Variants in NAV2 observed in about 807,000 individuals in gnomAD.
NAV2 encodes neuron navigator 2, also known as helicase, APC down-regulated 1.
NAV2 carries 54 observed loss-of-function variants against 223.2 expected under a neutral mutation model. That is an observed-to-expected ratio of 0.24 (90% CI 0.19 to 0.30). NAV2 has a LOEUF of 0.30. NAV2 is among the 10% of genes least tolerant of loss of function. The pLI, the probability that NAV2 is intolerant of heterozygous loss-of-function variation, is 1.00. For synonymous variants in NAV2, 1,279 were observed against 1,239.3 expected (o/e 1.03, Z -0.67); for missense variants, 2,806 against 3,147.5 (o/e 0.89, Z 2.60).
At chr11:19,498,354 A>G (rs1025562193) in intron 1 of NAV2, among the ~76,000 whole-genome samples, 1 of 152,226 alleles carries the variant, frequency 6.6e-6, no homozygotes, top group African/African-American at 2.4e-5. Context: ...AAATTGGCAG[A>G]CTTAGGTTTG....
intron 1 of NAV2, among the ~76,000 whole-genome samples, chr11:19,373,579 C>T (rs1021999463): frequency 1.3e-5 from 2 of 152,190 alleles, no homozygotes; most frequent in Non-Finnish European, 2.9e-5. Flanking sequence ...CTAGTCCCTC[C>T]TGCAGGACCC....
intron 1 of NAV2, among the ~76,000 whole-genome samples, chr11:19,760,566 G>A (rs931465863): frequency 6.6e-6 from 1 of 152,180 alleles, no homozygotes; most frequent in Non-Finnish European, 1.5e-5. Flanking sequence ...CTTTTCAGGG[G>A]CTTGGCTGGG....
chr11:20,106,621 C>G (rs962202782), intron 35 of NAV2, among the ~76,000 whole-genome samples: 5 of 146,158 alleles, frequency 3.4e-5, no homozygotes, highest in African/African-American at 1.3e-4. Flanking sequence ...TGTTGCTACT[C>G]AGTTGTTGTT....
chr11:19,585,564 G>C (rs1356347695), intron 1 of NAV2, among the ~76,000 whole-genome samples: 1 of 152,062 alleles, frequency 6.6e-6, no homozygotes, highest in Non-Finnish European at 1.5e-5. Context: ...GCTCTTTTAG[G>C]GCAGGCCTGG....
intron 10 of NAV2, among the ~76,000 whole-genome samples, chr11:19,967,224 T>C (rs981422024): frequency 6.6e-5 from 10 of 152,174 alleles, no homozygotes; most frequent in African/African-American, 2.2e-4. Context: ...TGTTGCACTT[T>C]AGGCTCTGTA....
intron 1 of NAV2, among the ~76,000 whole-genome samples, chr11:19,641,237 C>G (rs186399629): frequency 8.1e-4 from 123 of 152,264 alleles, no homozygotes; most frequent in African/African-American, 2.8e-3. Flanking sequence ...CATAGTTTGA[C>G]TTTGTAATAA....
intron 1 of NAV2, among the ~76,000 whole-genome samples, chr11:19,686,061 A>G (rs886855144): frequency 6.6e-6 from 1 of 152,050 alleles, no homozygotes; most frequent in East Asian, 1.9e-4. Context: ...GCTCCCTAGT[A>G]CAAGCCTATT....
chr11:19,979,393 C>T (rs1194934864), intron 10 of NAV2, among the ~76,000 whole-genome samples: 1 of 152,182 alleles, frequency 6.6e-6, no homozygotes. Flanking sequence ...CCATGCAGCC[C>T]AGTTCCTAGC....
chr11:19,779,643 C>G (rs1273706099), intron 1 of NAV2, among the ~76,000 whole-genome samples: 2 of 152,224 alleles, frequency 1.3e-5, no homozygotes, highest in African/African-American at 2.4e-5. Context: ...TTACAACTCT[C>G]TTTCCCCAGG....
chr11:19,725,907 G>A (rs1330363375), intron 1 of NAV2, among the ~76,000 whole-genome samples: 1 of 152,222 alleles, frequency 6.6e-6, no homozygotes, highest in African/African-American at 2.4e-5. Flanking sequence ...GTTTTTAAGA[G>A]TGTCTCGTCA....
At chr11:19,690,270 T>A (rs2152259086) in intron 1 of NAV2, among the ~76,000 whole-genome samples, 1 of 152,296 alleles carries the variant, frequency 6.6e-6, no homozygotes, top group Admixed American at 6.5e-5. Flanking sequence ...CCCATTTACA[T>A]CTATTCTAAT....
chr11:20,030,666 C>T (rs12360601), intron 11 of NAV2, among the ~76,000 whole-genome samples: 41,256 of 152,082 alleles, frequency 0.27, 6,685 homozygotes, highest in East Asian at 0.53. Flanking sequence ...GTAGATTTAC[C>T]AGCCAAACAA....
intron 1 of NAV2, among the ~76,000 whole-genome samples, chr11:19,800,999 G>C (rs910497184): frequency 6.6e-6 from 1 of 152,192 alleles, no homozygotes; most frequent in Non-Finnish European, 1.5e-5. Context: ...TGTTAGGACT[G>C]AACATTTCAG....
intron 1 of NAV2, among the ~76,000 whole-genome samples, chr11:19,700,180 G>T (rs186275451): frequency 9.9e-5 from 15 of 152,244 alleles, no homozygotes; most frequent in African/African-American, 3.6e-4. Flanking sequence ...CTGGTTTAGT[G>T]TTTTACCTAT....
chr11:20,097,689 T>C lies in NAV2; in HGVS notation c.6125T>C (p.Leu2042Pro). 1 of 1,612,770 alleles carries C rather than the reference T, an allele frequency of 6.2e-7. No homozygotes were observed. Among genetic ancestry groups the C allele is most frequent in the Non-Finnish European group, 8.5e-7 (1 of 1,179,684 alleles). Residue 2042 changes from leucine to proline, a missense_variant, in exon 31 of 38, where the codon CTG becomes CCG. By Grantham distance (98) the Leu-to-Pro change is moderately conservative. Transcript: ENST00000349880. ...AGCAACACTTCCGAAACACCGGAGC[T>C]GCTTCCTTGTGGCTATCTGGTTGGA... ...KRSNTSETPE[L>P]LPCGYLVGEN... is the part of the protein sequence containing the mutation.
At chr11:20,078,953 G>A (rs934172793) in intron 24 of NAV2, among the ~76,000 whole-genome samples, 7 of 152,160 alleles carry the variant, frequency 4.6e-5, no homozygotes, top group African/African-American at 1.2e-4. Flanking sequence ...TCATTATCTG[G>A]TTTTCTTTCT....
At position 19,713,417 on chromosome 11, in the gene NAV2, A is replaced by T; in HGVS notation, c.-279A>T. ...CCCCTGAGCGCCCAGAGCTCTTGAA[A>T]GGCCACCCAGGAGAGGTGTGAGACC... On this transcript the variant is annotated 5_prime_UTR_variant, in exon 1 of 38. It adds an upstream start codon to the 5' untranslated region. Coordinates refer to ENST00000349880, the MANE Select transcript of NAV2 (RefSeq NM_145117.5). The surrounding 1 kb of genome is among the most constrained non-coding windows in gnomAD (Gnocchi z 7.2). 2 of 1,230,928 alleles carry T rather than the reference A, an allele frequency of 1.6e-6. No individual in the cohort carries two copies. The highest frequency in any genetic ancestry group is 2.0e-6 in the Non-Finnish European group (2 of 988,108). 76.3% of individuals were successfully genotyped at this position (1,230,928 alleles called of 1,614,324 possible). A position where few individuals can be genotyped will look rare whatever the true frequency, so the allele number is the denominator to read the frequency against.
At chr11:20,099,529 G>A (rs939561908) in intron 31 of NAV2, among the ~76,000 whole-genome samples, 2 of 152,150 alleles carry the variant, frequency 1.3e-5, no homozygotes, top group East Asian at 1.9e-4. Context: ...CTGTCAGCAC[G>A]TCAAGTTTTA....
intron 1 of NAV2, among the ~76,000 whole-genome samples, chr11:19,464,149 G>A (rs1852264442): frequency 6.6e-6 from 1 of 152,188 alleles, no homozygotes; most frequent in Non-Finnish European, 1.5e-5. Flanking sequence ...CTGGGCCAGA[G>A]CAGCCCAGAG....
Sources: gnomAD v4.1 joint callset for allele counts (sites outside exome capture counted in the v4.1 genomes callset) on GRCh38, gnomAD v4.1.1 for gene constraint, Gnocchi (gnomAD v3.1) non-coding constraint, MANE v1.5 for transcripts, NCBI Gene and HGNC (gene_info 2026-07-23, HGNC 2026-07-21) for gene names.